Variants in THEMIS2 observed in about 807,000 individuals in gnomAD.
The protein encoded by THEMIS2 is thymocyte selection associated family member 2, also known as protein THEMIS2.
Under a neutral mutation model 46.8 loss-of-function variants are expected in THEMIS2, and 29 were observed. That is an observed-to-expected ratio of 0.62 (90% CI 0.46 to 0.84). The LOEUF (loss-of-function observed/expected upper bound fraction) is 0.84, where lower values mean the gene tolerates loss of function less well. THEMIS2 is among the 40% of genes least tolerant of loss of function. The pLI is 0.00. For synonymous variants in THEMIS2, 335 were observed against 349.1 expected (o/e 0.96, Z 0.45); for missense variants, 698 against 834.7 (o/e 0.84, Z 2.02).
intron 1 of THEMIS2, among the ~76,000 whole-genome samples, chr1:27,875,687 ATTAAT>A (rs1189336836): frequency 1.3e-5 from 2 of 151,802 alleles, no homozygotes; most frequent in South Asian, 2.1e-4. Context: ...ACTTTAATTA[ATTAAT>A]TTATTTTTAT....
At chr1:27,884,478 A>G (rs938672053) in intron 4 of THEMIS2, 1 of 152,320 alleles carries the variant, frequency 6.6e-6, no homozygotes, top group African/African-American at 2.4e-5. Context: ...GAGCGTGGGA[A>G]GTCATTTTCT....
At chr1:27,885,019 A>G (rs186557163) in intron 4 of THEMIS2, 1 of 319,774 alleles carries the variant, frequency 3.1e-6, no homozygotes, top group East Asian at 7.6e-5. Flanking sequence ...AGAGAATTAA[A>G]GGACATTGAC....
At chr1:27,877,549 G>C (rs977622166) in intron 2 of THEMIS2, among the ~76,000 whole-genome samples, 1 of 151,990 alleles carries the variant, frequency 6.6e-6, no homozygotes, top group Non-Finnish European at 1.5e-5. Flanking sequence ...GGATGATCTC[G>C]ATCTCCTGAC....
chr1:27,873,300 C>T (rs777391623), intron 1 of THEMIS2, among the ~76,000 whole-genome samples: 3 of 152,158 alleles, frequency 2.0e-5, no homozygotes, highest in South Asian at 2.1e-4. Context: ...AGTCACTAGT[C>T]ATTGCCTGAA....
intron 3 of THEMIS2, among the ~76,000 whole-genome samples, 172 bp downstream of exon 3, chr1:27,880,226 C>T (rs555078643): frequency 2.0e-5 from 3 of 152,244 alleles, no homozygotes; most frequent in South Asian, 2.1e-4. Flanking sequence ...GATGGAGTTT[C>T]GCTCTTGTTG....
chr1:27,874,486 T>TTAAAATAAAA (rs1366158782), intron 1 of THEMIS2, among the ~76,000 whole-genome samples: 5 of 151,080 alleles, frequency 3.3e-5, no homozygotes, highest in Non-Finnish European at 7.4e-5. Flanking sequence ...ACAAAAAATT[T>TTAAAATAAAA]TAAAATAAAA....
At chr1:27,885,565 T>G in intron 5 of THEMIS2, 114 bp downstream of exon 5, 6 of 1,337,526 alleles carry the variant, frequency 4.5e-6, no homozygotes, top group Non-Finnish European at 6.0e-6. Context: ...TGGTCCCAGT[T>G]TGATGGACAG....
intron 1 of THEMIS2, among the ~76,000 whole-genome samples, chr1:27,876,147 T>C (rs1159446904): frequency 1.3e-5 from 2 of 151,024 alleles, no homozygotes; most frequent in African/African-American, 4.9e-5. Flanking sequence ...GACCCCTCTC[T>C]GAGCCTGATT....
Position 27,882,299 on chromosome 1 carries a change from G to A in THEMIS2, c.975G>A (p.Arg325=). 6.2e-7 allele frequency: 1 copy of A among 1,602,236 alleles called. No individual in the cohort carries two copies. Among genetic ancestry groups the A allele is most frequent in the African/African-American group, 1.3e-5 (1 of 74,788 alleles). The change falls in exon 4 of 6, where the codon CGG becomes CGA. Residue 325 remains arginine (R), a synonymous_variant. Transcript: ENST00000373921. The surrounding 1 kb of genome is among the most constrained non-coding windows in gnomAD (Gnocchi z 7.6). ...CAGGGGGCTACCAAGGCAAGCTGCG[G>A]CGGCGGCCAAGGGAGTTCCCCACGG... The part of the protein sequence containing the change: ...LVSGGYQGKL[R]RRPREFPTAY...
At chr1:27,875,318 C>T (rs1339432384) in intron 1 of THEMIS2, among the ~76,000 whole-genome samples, 2 of 152,222 alleles carry the variant, frequency 1.3e-5, no homozygotes, top group Non-Finnish European at 2.9e-5. Flanking sequence ...TGCCTGTCTC[C>T]GCAAGAGCAG....
chr1:27,883,335 A>T (rs1237532868), intron 4 of THEMIS2: 2 of 394,644 alleles, frequency 5.1e-6, no homozygotes, highest in Non-Finnish European at 9.2e-6. Flanking sequence ...CTCCAAGTTC[A>T]TGGTGCTTTC....
chr1:27,885,123 G>A (rs2089746346), intron 4 of THEMIS2, 172 bp from the exon 5 acceptor site: 2 of 636,502 alleles, frequency 3.1e-6, no homozygotes, highest in Non-Finnish European at 5.4e-6. Context: ...CCTTGCCAGA[G>A]AATATTTCAC....
chr1:27,881,397 G>A (rs1189794979), intron 3 of THEMIS2, among the ~76,000 whole-genome samples: 1 of 151,542 alleles, frequency 6.6e-6, no homozygotes, highest in Non-Finnish European at 1.5e-5. Context: ...CTTGCAGTGA[G>A]CCAAGATCGC....
At chr1:27,885,815 G>A in intron 5 of THEMIS2, 52 bp from the exon 6 acceptor site, 3 of 1,583,196 alleles carry the variant, frequency 1.9e-6, no homozygotes, top group Non-Finnish European at 2.6e-6. Context: ...CTACAGAAGG[G>A]AAGGAACTTG....
At position 27,882,922 on chromosome 1, in the gene THEMIS2, A is replaced by G; in HGVS notation, c.1598A>G (p.Asp533Gly). The G allele has an allele frequency of 1.9e-6, 3 of 1,613,828 alleles. No homozygotes were observed. Among genetic ancestry groups the G allele is most frequent in the Non-Finnish European group, 2.5e-6 (3 of 1,179,948 alleles). Residue 533 changes from aspartate to glycine, a missense_variant, in exon 4 of 6, where the codon GAC becomes GGC. Asp to Gly is a moderately conservative substitution (Grantham distance 94, BLOSUM62 -1). Transcript: ENST00000373921. This position sits in a 1 kb window ranked among gnomAD's most constrained non-coding sequence, Gnocchi z 7.6. ...LPIATVEELT[D>G]TFYYRLRKLP... ...ATAGCCACAGTGGAGGAGCTGACAG[A>G]CACCTTCTATTATCGTCTTCGGAAG...
At position 27,882,895 on chromosome 1, in the gene THEMIS2, C is replaced by T. The variant is rs374240167; in HGVS notation, c.1571C>T (p.Pro524Leu). The T allele has an allele frequency of 1.9e-6, 3 of 1,613,926 alleles. No individual in the cohort carries two copies. Among genetic ancestry groups the T allele is most frequent in the South Asian group, 1.1e-5 (1 of 91,062 alleles). Residue 524 changes from proline (P) to leucine (L), a missense_variant, in exon 4 of 6, where the codon CCC (proline) becomes CTC (leucine). Transcript: ENST00000373921. This position sits in a 1 kb window ranked among gnomAD's most constrained non-coding sequence, Gnocchi z 7.6. ...GQPDLPEGSL[P>L]IATVEELTDT... is the part of the protein sequence containing the mutation. ...CCAGACTTGCCAGAGGGGTCTCTCCCCATAGCCACAGTGGAGGAGCTGACA... is the reference window on the plus strand; with the variant it reads ...CCAGACTTGCCAGAGGGGTCTCTCCTCATAGCCACAGTGGAGGAGCTGACA...
rs1483001564 is a variant in THEMIS2, at chr1:27,885,434, C to A, written c.1859C>A (p.Pro620His). 1 of 1,613,870 alleles carries A rather than the reference C, an allele frequency of 6.2e-7. No individual in the cohort carries two copies. Among genetic ancestry groups the A allele is most frequent in the African/African-American group, 1.3e-5 (1 of 74,936 alleles). Residue 620 changes from proline to histidine, a missense_variant, in exon 5 of 6, where the codon CCC becomes CAC. By Grantham distance (77) the Pro-to-His change is moderately conservative. Coordinates refer to ENST00000373921, the MANE Select transcript of THEMIS2 (RefSeq NM_001105556.3). ...AHRKGHRPAKPQRQDLDDDEH... is the reference protein window; with the variant it reads ...AHRKGHRPAKHQRQDLDDDEH... ...AGGAAGGGCCACAGGCCCGCTAAGC[C>A]CCAAAGGCAGGATCTAGGTGAGTCC...
intron 3 of THEMIS2, among the ~76,000 whole-genome samples, chr1:27,880,631 A>AT (rs869061976): frequency 6.6e-6 from 1 of 152,196 alleles, no homozygotes; most frequent in African/African-American, 2.4e-5. Context: ...CTCTACAAAA[A>AT]TTTTTTTAAA....
In THEMIS2 at chr1:27,882,449, G is replaced by T; in HGVS notation, c.1125G>T (p.Glu375Asp). The T allele has an allele frequency of 6.2e-7, 1 of 1,612,804 alleles. No homozygotes were observed. ...FTSLAVGDRL[E>D]VLGPGQAHGA... ...CCCTGGCTGTGGGTGACCGGCTGGA[G>T]GTGCTGGGGCCTGGCCAGGCCCATG... is the stretch of plus-strand genomic sequence containing the variant. The change falls in exon 4 of 6, where the codon GAG becomes GAT. Residue 375 changes from glutamate (E) to aspartate (D), a missense_variant. Transcript: ENST00000373921. The surrounding 1 kb of genome is among the most constrained non-coding windows in gnomAD (Gnocchi z 7.6).
Sources: allele counts gnomAD v4.1 joint callset (sites outside exome capture counted in the v4.1 genomes callset), GRCh38; gene constraint gnomAD v4.1.1; non-coding constraint Gnocchi (gnomAD v3.1); transcripts MANE v1.5; gene names NCBI Gene and HGNC (gene_info 2026-07-23, HGNC 2026-07-21).